Variants in PPP3CA observed in about 807,000 individuals in gnomAD.
The protein encoded by PPP3CA is protein phosphatase 3 catalytic subunit alpha.
In PPP3CA, 14 loss-of-function variants were observed where a neutral mutation model predicts 66.5. The observed-to-expected ratio is 0.21, with a 90% confidence interval of 0.14 to 0.33. The LOEUF is 0.33. Ranked by LOEUF, PPP3CA falls within the 10% of genes least tolerant of loss-of-function variation. The pLI is 1.00. For synonymous variants in PPP3CA, 232 were observed against 226.2 expected, an observed-to-expected ratio of 1.03 and a Z score of -0.23; for missense variants, 317 against 639.5, an observed-to-expected ratio of 0.50 and a Z score of 5.44.
chr4:101,056,779 A>G (rs532050693), intron 10 of PPP3CA, among the ~76,000 whole-genome samples: 1 of 149,172 alleles, frequency 6.7e-6, no homozygotes, highest in South Asian at 2.3e-4. Flanking sequence ...GGCTGCAGGC[A>G]GGAAGGACAG....
At chr4:101,240,048 C>CA (rs1560675430) in intron 1 of PPP3CA, among the ~76,000 whole-genome samples, 5 of 135,942 alleles carry the variant, frequency 3.7e-5, no homozygotes, top group Admixed American at 1.6e-4. Flanking sequence ...TTGGGGGGAG[C>CA]GGGGGGGAGG....
chr4:101,123,856 C>A (rs925820509), intron 2 of PPP3CA, among the ~76,000 whole-genome samples: 1 of 152,158 alleles, frequency 6.6e-6, no homozygotes, highest in Admixed American at 6.5e-5. Flanking sequence ...AGAATAAGGA[C>A]AATATCATCT....
intron 1 of PPP3CA, 123 bp from the exon 2 acceptor site, chr4:101,196,239 A>G: frequency 1.1e-6 from 1 of 870,712 alleles, no homozygotes; most frequent in Non-Finnish European, 1.7e-6. Context: ...GAGTGGCTGA[A>G]TTAAAATATG....
intron 1 of PPP3CA, among the ~76,000 whole-genome samples, chr4:101,212,738 G>A (rs1272181994): frequency 6.6e-6 from 1 of 151,620 alleles, no homozygotes; most frequent in Admixed American, 6.6e-5. Flanking sequence ...TGTGTCTTTA[G>A]TGGAAGGCTC....
intron 2 of PPP3CA, among the ~76,000 whole-genome samples, chr4:101,141,711 T>A (rs989985600): frequency 1.3e-5 from 2 of 152,206 alleles, no homozygotes; most frequent in Non-Finnish European, 2.9e-5. Flanking sequence ...ACAGCACTTG[T>A]TACAACCTCA....
Position 101,025,940 on chromosome 4 carries a change from G to T in PPP3CA, c.1491C>A (p.Asn497Lys), listed in dbSNP as rs1222451366. 1 of 1,612,072 alleles carries T rather than the reference G, an allele frequency of 6.2e-7. No homozygotes were observed. Among genetic ancestry groups the T allele is most frequent in the Non-Finnish European group, 8.5e-7 (1 of 1,178,988 alleles). The change falls in exon 14 of 14, where the codon AAC (asparagine) becomes AAA (lysine). Residue 497 changes from asparagine (N) to lysine (K), a missense_variant. Coordinates refer to ENST00000394854, the MANE Select transcript of PPP3CA (RefSeq NM_000944.5). Reference protein sequence around the residue: ...RDAMPSDANLNSINKALTSET... With the variant: ...RDAMPSDANLKSINKALTSET... ...CTGAGGTGAGAGCCTTGTTGATGGA[G>T]TTAAGGTTGGCGTCAGAGGGCATGG...
chr4:101,190,836 T>G lies in PPP3CA; in HGVS notation c.259+5080A>C, dbSNP rs906789774. ...ACTTTTTATTTAAAATATAATAAAT[T>G]ATAATCAACAGTCAAAATAATTTAT... On this transcript the variant is annotated intron_variant, in intron 2 of 13. Transcript: ENST00000394854. 3.9e-5 allele frequency among the ~76,000 whole-genome samples: 6 copies of G among 152,196 alleles called. No individual in the cohort carries two copies. The East Asian group carries it at 1.2e-3, about 29-fold the overall frequency.
chr4:101,301,820 T>TTA (rs148313258), intron 1 of PPP3CA, among the ~76,000 whole-genome samples: 4,290 of 146,740 alleles, frequency 0.029, 130 homozygotes, highest in African/African-American at 0.079. Context: ...GCACCATATT[T>TTA]TATATATATA....
chr4:101,307,381 A>C (rs1728577632), intron 1 of PPP3CA, among the ~76,000 whole-genome samples: 1 of 152,204 alleles, frequency 6.6e-6, no homozygotes, highest in African/African-American at 2.4e-5. Flanking sequence ...GGGAGCTTTT[A>C]CCTTCGAAAC....
chr4:101,284,222 G>A (rs1727767666), intron 1 of PPP3CA, among the ~76,000 whole-genome samples: 1 of 152,182 alleles, frequency 6.6e-6, no homozygotes, highest in Non-Finnish European at 1.5e-5. Context: ...TAATCAGGAA[G>A]TATAACGGTA....
chr4:101,106,079 T>C (rs1269161693), intron 3 of PPP3CA, among the ~76,000 whole-genome samples: 2 of 151,898 alleles, frequency 1.3e-5, no homozygotes, highest in Non-Finnish European at 2.9e-5. Context: ...TCTGAGCACT[T>C]TGGGAGGTCA....
At chr4:101,178,232 T>A (rs966686610) in intron 2 of PPP3CA, among the ~76,000 whole-genome samples, 11 of 152,166 alleles carry the variant, frequency 7.2e-5, no homozygotes, top group African/African-American at 2.7e-4. Flanking sequence ...CCTTAAAACA[T>A]GCCCATTACA....
In PPP3CA at chr4:101,184,024, T is replaced by G. The variant is rs17030903; in HGVS notation, c.259+11892A>C. Among the ~76,000 whole-genome samples the G allele has an allele frequency of 9.1e-3, 1,383 of 152,170 alleles. 24 individuals carry two copies. The highest frequency in any genetic ancestry group is 0.032 in the African/African-American group (1,327 of 41,526). ...GCTCACAATTATGGGAAGACAAAAG[T>G]AGCTAGGTCAGAAAAAAGAGAAGTG... On this transcript the variant is annotated intron_variant, in intron 2 of 13. Coordinates refer to ENST00000394854, the MANE Select transcript of PPP3CA (RefSeq NM_000944.5).
rs568528854 is a variant in PPP3CA, at chr4:101,272,868, T to C, written c.58+73871A>G. Among the ~76,000 whole-genome samples the C allele has an allele frequency of 7.2e-5, 11 of 152,328 alleles. No homozygotes were observed. In the South Asian group the frequency reaches 2.3e-3, roughly 32 times the overall value. ...TTGTAACCCAAATACTTTTTAATGT[T>C]CCCTTAAGGTAAGAGAGTTAGCTGA... is the stretch of plus-strand genomic sequence containing the variant. On this transcript the variant is annotated intron_variant, in intron 1 of 13. Coordinates refer to ENST00000394854, the MANE Select transcript of PPP3CA (RefSeq NM_000944.5).
intron 1 of PPP3CA, among the ~76,000 whole-genome samples, chr4:101,271,917 A>G (rs560760703): frequency 6.6e-6 from 1 of 152,360 alleles, no homozygotes; most frequent in East Asian, 1.9e-4. Flanking sequence ...ACAACTTTTT[A>G]AAACAAAATT....
At chr4:101,097,454 G>A (rs1178426354) in intron 5 of PPP3CA, among the ~76,000 whole-genome samples, 2 of 151,818 alleles carry the variant, frequency 1.3e-5, no homozygotes, top group African/African-American at 4.8e-5. Flanking sequence ...GCTTAATGGT[G>A]GGCACAAATT....
intron 2 of PPP3CA, among the ~76,000 whole-genome samples, chr4:101,138,091 T>C (rs919600548): frequency 6.6e-6 from 1 of 152,200 alleles, no homozygotes; most frequent in Non-Finnish European, 1.5e-5. Flanking sequence ...TAAGCAATGG[T>C]TGCCTTTTGC....
chr4:101,093,674 AAAG>A (rs1730061056), intron 6 of PPP3CA, 99 bp downstream of exon 6: 2 of 1,194,594 alleles, frequency 1.7e-6, no homozygotes, highest in South Asian at 2.5e-5. Context: ...CATTTATATT[AAAG>A]AAGTAATACA....
At chr4:101,111,172 T>C (rs997667394) in intron 2 of PPP3CA, among the ~76,000 whole-genome samples, 4 of 152,204 alleles carry the variant, frequency 2.6e-5, no homozygotes, top group Non-Finnish European at 5.9e-5. Context: ...ATATCTGTCA[T>C]ACATATGACA....
Sources: gnomAD v4.1 joint callset for allele counts (sites outside exome capture counted in the v4.1 genomes callset) on GRCh38, gnomAD v4.1.1 for gene constraint, MANE v1.5 for transcripts, NCBI Gene and HGNC (gene_info 2026-07-23, HGNC 2026-07-21) for gene names.